Variants in ECT2 observed in about 807,000 individuals in gnomAD.
ECT2 encodes the protein protein ECT2.
A neutral mutation model predicts 116.9 loss-of-function variants in ECT2; 61 were observed. The observed-to-expected ratio is 0.52, with a 90% CI of 0.42 to 0.65. The LOEUF (loss-of-function observed/expected upper bound fraction) is 0.65, where lower values mean the gene tolerates loss of function less well. Ranked by LOEUF, ECT2 falls within the 30% of genes least tolerant of loss-of-function variation. The probability of loss-of-function intolerance (pLI) is 0.00; values close to 1 mark genes in which losing one functional copy is unlikely to be tolerated. For synonymous variants in ECT2, 358 were observed against 346.4 expected (o/e 1.03, Z -0.37); for missense variants, 937 against 1,078.7 (o/e 0.87, Z 1.84).
chr3:172,790,914 G>A (rs1724534558), intron 18 of ECT2, among the ~76,000 whole-genome samples: 1 of 152,220 alleles, frequency 6.6e-6, no homozygotes, highest in Admixed American at 6.5e-5. Flanking sequence ...CAGCACTTTG[G>A]GAGGCCAAGG....
In ECT2 at chr3:172,764,386, G is replaced by C. The variant is rs774539308; in HGVS notation, c.1177G>C (p.Glu393Gln). ...AGAAACACTTGCTCAGCTTTCAAGA[G>C]AGACAGACGTGTCACCATTTCCACC... ...LKETLAQLSRETDVSPFPPRK... is the reference protein window; with the variant it reads ...LKETLAQLSRQTDVSPFPPRK... Residue 393 changes from glutamate to glutamine, a missense_variant, in exon 12 of 25, where the codon GAG becomes CAG. Physicochemically the swap from Glu to Gln is conservative, Grantham distance 29 (BLOSUM62 2). Transcript: ENST00000392692. 4 of 1,614,146 alleles carry C rather than the reference G, an allele frequency of 2.5e-6. No individual in the cohort carries two copies. In the East Asian group the frequency reaches 8.9e-5, roughly 36 times the overall value.
chr3:172,754,037 GC>G (rs1425286118), intron 1 of ECT2, among the ~76,000 whole-genome samples: 2 of 152,154 alleles, frequency 1.3e-5, no homozygotes, highest in South Asian at 2.1e-4. Context: ...GAGAAGGGGG[GC>G]CAGATTCCAG....
chr3:172,762,189 G>A (rs965027180), intron 8 of ECT2, among the ~76,000 whole-genome samples: 2 of 152,196 alleles, frequency 1.3e-5, no homozygotes, highest in African/African-American at 2.4e-5. Flanking sequence ...TGAATCTCTT[G>A]TAAAGCTTAT....
intron 12 of ECT2, 142 bp from the exon 13 acceptor site, chr3:172,768,865 G>GA: frequency 1.0e-6 from 1 of 997,342 alleles, no homozygotes. Flanking sequence ...TAGCCTATGA[G>GA]AAAAAAATTT....
chr3:172,764,553 T>C, intron 12 of ECT2, 53 bp downstream of exon 12: 1 of 1,493,804 alleles, frequency 6.7e-7, no homozygotes. Flanking sequence ...ATGGAATAAT[T>C]GTTAGAATTT....
rs1036317304 is a variant in ECT2, at chr3:172,820,464, T to C, written c.*227T>C. On this transcript the variant is annotated 3_prime_UTR_variant, in exon 25 of 25. Transcript: ENST00000392692. ...TAGTGATTTTGATGTAATTTATCTCTTGTTTGAATCTGTCATTCAAAGGCC... is the reference window on the plus strand; with the variant it reads ...TAGTGATTTTGATGTAATTTATCTCCTGTTTGAATCTGTCATTCAAAGGCC... 40 of 325,774 alleles carry C rather than the reference T, an allele frequency of 1.2e-4. No individual in the cohort carries two copies. The highest frequency in any genetic ancestry group is 8.3e-4 in the African/African-American group (39 of 46,712). 20.2% of individuals were successfully genotyped at this position (325,774 alleles called of 1,614,324 possible).
At chr3:172,790,522 T>G (rs1048340118) in intron 18 of ECT2, among the ~76,000 whole-genome samples, 2 of 152,366 alleles carry the variant, frequency 1.3e-5, no homozygotes, top group East Asian at 3.9e-4. Context: ...GTCCCATTGC[T>G]TACTTCTACT....
intron 18 of ECT2, among the ~76,000 whole-genome samples, chr3:172,793,985 C>T (rs184698976): frequency 6.6e-6 from 1 of 150,428 alleles, no homozygotes; most frequent in Non-Finnish European, 1.5e-5. Context: ...TTTATATATT[C>T]GAGTTAAAAG....
chr3:172,770,309 C>A (rs1403244351), intron 13 of ECT2, among the ~76,000 whole-genome samples: 1 of 152,248 alleles, frequency 6.6e-6, no homozygotes, highest in African/African-American at 2.4e-5. Flanking sequence ...AATGTAAATT[C>A]TTTCAAGCCA....
intron 14 of ECT2, among the ~76,000 whole-genome samples, chr3:172,775,843 A>G (rs185996971): frequency 6.6e-6 from 1 of 152,184 alleles, no homozygotes; most frequent in East Asian, 1.9e-4. Context: ...CATGCTGACC[A>G]GGCTGGTCTT....
At position 172,820,241 on chromosome 3, in the gene ECT2, G is replaced by T. The variant is rs374088935; in HGVS notation, c.*4G>T. ...ATCTACAACTCATTTGATATGAAGC[G>T]TTACCAAAATCTTAAATTATAGAAA... is the stretch of plus-strand genomic sequence containing the variant. On this transcript the variant is annotated 3_prime_UTR_variant, in exon 25 of 25. Transcript: ENST00000392692. 6.3e-7 allele frequency: 1 copy of T among 1,584,238 alleles called. No homozygotes were observed. Among genetic ancestry groups the T allele is most frequent in the East Asian group, 2.3e-5 (1 of 44,276 alleles).
intron 12 of ECT2, among the ~76,000 whole-genome samples, chr3:172,768,076 C>T (rs1174191690): frequency 6.6e-6 from 1 of 152,116 alleles, no homozygotes; most frequent in African/African-American, 2.4e-5. Context: ...TACACTGTTG[C>T]ATCCTCCTTC....
chr3:172,786,606 C>T (rs1405545097), intron 18 of ECT2, 32 bp downstream of exon 18: 1 of 1,400,020 alleles, frequency 7.1e-7, no homozygotes, highest in Non-Finnish European at 1.0e-6. Flanking sequence ...TTTGATTGTG[C>T]CTTAGATTTC....
chr3:172,812,872 T>A (rs1313639771), intron 22 of ECT2, among the ~76,000 whole-genome samples: 1 of 152,066 alleles, frequency 6.6e-6, no homozygotes, highest in African/African-American at 2.4e-5. Context: ...CAAAGCACAA[T>A]TAAGTTCATA....
At chr3:172,775,011 C>G (rs1333960408) in intron 14 of ECT2, among the ~76,000 whole-genome samples, 1 of 152,230 alleles carries the variant, frequency 6.6e-6, no homozygotes, top group African/African-American at 2.4e-5. Flanking sequence ...TAAGTCCCTT[C>G]TCCATTTATA....
chr3:172,805,581 C>A, intron 20 of ECT2, 150 bp from the exon 21 acceptor site: 1 of 713,828 alleles, frequency 1.4e-6, no homozygotes, highest in Non-Finnish European at 2.2e-6. Context: ...ACTTTTGTTA[C>A]ATAGTAACTC....
chr3:172,767,787 G>A (rs975799806), intron 12 of ECT2, among the ~76,000 whole-genome samples: 1 of 151,394 alleles, frequency 6.6e-6, no homozygotes, highest in Non-Finnish European at 1.5e-5. Flanking sequence ...GTGGGAGTGT[G>A]GTGGCAGGAT....
intron 22 of ECT2, 26 bp downstream of exon 22, chr3:172,807,950 T>C: frequency 1.2e-6 from 2 of 1,600,612 alleles, no homozygotes; most frequent in Non-Finnish European, 1.7e-6. Flanking sequence ...AGTATTATAA[T>C]GAAAGTTTAA....
In ECT2 at chr3:172,761,639, G is replaced by C; in HGVS notation, c.714G>C (p.Met238Ile). ...CTGTGAGTCTAGGTACTCCAATTAT[G>C]AAGCCAGAATGGATTTATAAAGCTT... ...RVAVSLGTPI[M>I]KPEWIYKAWE... Residue 238 changes from methionine to isoleucine, a missense_variant, in exon 8 of 25, where the codon ATG becomes ATC. Coordinates refer to ENST00000392692, the MANE Select transcript of ECT2 (RefSeq NM_001258315.2). 6.2e-7 allele frequency: 1 copy of C among 1,611,500 alleles called. No individual in the cohort carries two copies. Among genetic ancestry groups the C allele is most frequent in the East Asian group, 2.2e-5 (1 of 44,690 alleles).
Sources: allele counts gnomAD v4.1 joint callset (sites outside exome capture counted in the v4.1 genomes callset), GRCh38; gene constraint gnomAD v4.1.1; transcripts MANE v1.5; gene names NCBI Gene and HGNC (gene_info 2026-07-23, HGNC 2026-07-21).